Variants in ARL15 observed in about 807,000 individuals in gnomAD.
ARL15 encodes the protein ARF like GTPase 15, also known as ADP-ribosylation factor-like protein 15.
A neutral mutation model predicts 25.2 loss-of-function variants in ARL15; 19 were observed. The ratio of observed to expected loss-of-function variants is 0.75; its 90% CI spans 0.53 to 1.10. ARL15 has a LOEUF of 1.10. Ranked by LOEUF, ARL15 falls within the 50% of genes least tolerant of loss-of-function variation. The pLI is 0.00. For missense variants in ARL15, 220 were observed against 246.0 expected (o/e 0.89, Z 0.71); for synonymous variants, 94 against 86.8 (o/e 1.08, Z -0.46).
rs539571865 is a variant in ARL15, at chr5:53,901,602, T to C, written c.463-14889A>G. Among the ~76,000 whole-genome samples, 66 of 151,654 alleles carry C rather than the reference T, an allele frequency of 4.4e-4. 1 individual carries two copies. In the South Asian group the frequency reaches 0.012, roughly 28 times the overall value. On this transcript the variant is annotated intron_variant, in intron 4 of 4. Transcript: ENST00000504924. Reference sequence around the variant, plus strand: ...TTAACTAGATGCATTCACCATGAAATTGATTCTTTTAAGTTTTTTTTTTAA... The same window carrying C: ...TTAACTAGATGCATTCACCATGAAACTGATTCTTTTAAGTTTTTTTTTTAA...
chr5:54,008,082 G>A (rs1357814324), intron 4 of ARL15, among the ~76,000 whole-genome samples: 1 of 152,162 alleles, frequency 6.6e-6, no homozygotes, highest in Admixed American at 6.5e-5. Context: ...TGTGTCAGAG[G>A]AGCTAAATAA....
chr5:54,093,324 T>A (rs1752188456), intron 4 of ARL15, among the ~76,000 whole-genome samples: 1 of 152,210 alleles, frequency 6.6e-6, no homozygotes, highest in Admixed American at 6.5e-5. Flanking sequence ...GTTCTCTGGA[T>A]CCTGCTGGGG....
intron 1 of ARL15, among the ~76,000 whole-genome samples, chr5:54,272,598 A>C (rs1011217237): frequency 3.9e-5 from 6 of 152,166 alleles, no homozygotes; most frequent in Non-Finnish European, 8.8e-5. Context: ...TTTCTTATCA[A>C]GAAAAAAAGC....
At chr5:53,956,951 A>G (rs1052281901) in intron 4 of ARL15, among the ~76,000 whole-genome samples, 8 of 152,238 alleles carry the variant, frequency 5.3e-5, no homozygotes, top group Non-Finnish European at 1.2e-4. Context: ...CAGAGCCTAA[A>G]AGACCAGCTG....
intron 1 of ARL15, among the ~76,000 whole-genome samples, chr5:54,203,211 T>C (rs1213652038): frequency 6.6e-6 from 1 of 152,164 alleles, no homozygotes; most frequent in Admixed American, 6.6e-5. Flanking sequence ...TTTCTTGGTG[T>C]AAACCTCAGA....
chr5:53,907,942 A>G (rs562030979), intron 4 of ARL15, among the ~76,000 whole-genome samples: 14 of 152,120 alleles, frequency 9.2e-5, no homozygotes, highest in Non-Finnish European at 1.6e-4. Flanking sequence ...TTGCCACATA[A>G]AGCAGTCCTA....
In ARL15 at chr5:54,161,998, TAC is replaced by T. The variant is rs3839223; in HGVS notation, c.194-7361_194-7360del. On this transcript the variant is annotated intron_variant, in intron 2 of 4. Transcript: ENST00000504924. Reference sequence around the variant, plus strand: ...GTTCTTCTTTACTTACACACACACATACACACACACACACACACACACACACA... The same window carrying T: ...GTTCTTCTTTACTTACACACACACATACACACACACACACACACACACACA... Among the ~76,000 whole-genome samples the T allele has an allele frequency of 6.3e-4, 91 of 144,612 alleles. No individual in the cohort carries two copies. In the East Asian group the frequency reaches 6.9e-3, roughly 11 times the overall value. 94.9% of individuals were successfully genotyped at this position (144,612 alleles called of 152,430 possible).
chr5:54,131,857 C>T (rs181957257), intron 3 of ARL15, among the ~76,000 whole-genome samples: 1 of 151,060 alleles, frequency 6.6e-6, no homozygotes, highest in East Asian at 1.9e-4. Flanking sequence ...GAGCCGAGAT[C>T]GCGCCACTGC....
chr5:54,169,152 C>A (rs971720072), intron 2 of ARL15, among the ~76,000 whole-genome samples: 1 of 152,080 alleles, frequency 6.6e-6, no homozygotes, highest in African/African-American at 2.4e-5. Flanking sequence ...ACATAACTTA[C>A]AAGTAAGAAA....
chr5:54,186,562 T>A (rs1198590749), intron 1 of ARL15, among the ~76,000 whole-genome samples: 1 of 152,248 alleles, frequency 6.6e-6, no homozygotes, highest in Non-Finnish European at 1.5e-5. Flanking sequence ...ACCTATCAGA[T>A]GTCAGCTGAT....
chr5:54,141,657 C>A (rs1753784644), intron 3 of ARL15, among the ~76,000 whole-genome samples: 1 of 152,118 alleles, frequency 6.6e-6, no homozygotes, highest in African/African-American at 2.4e-5. Flanking sequence ...ATATCCAGCA[C>A]CTCAAAAGTT....
At chr5:54,029,913 C>T (rs892724778) in intron 4 of ARL15, among the ~76,000 whole-genome samples, 4 of 152,066 alleles carry the variant, frequency 2.6e-5, no homozygotes, top group East Asian at 1.9e-4. Flanking sequence ...AGGAGAATTA[C>T]GTGAACCTGG....
chr5:53,966,509 G>A (rs1449065952), intron 4 of ARL15, among the ~76,000 whole-genome samples: 3 of 152,212 alleles, frequency 2.0e-5, no homozygotes, highest in East Asian at 1.9e-4. Flanking sequence ...TGGTCATTCA[G>A]AAATTCTTGA....
chr5:53,966,374 G>A lies in ARL15; in HGVS notation c.463-79661C>T, dbSNP rs140830146. Among the ~76,000 whole-genome samples, 52 of 152,202 alleles carry A rather than the reference G, an allele frequency of 3.4e-4. 1 individual carries two copies. Among genetic ancestry groups the A allele is most frequent in the Admixed American group, 1.6e-3 (24 of 15,288 alleles). On this transcript the variant is annotated intron_variant, in intron 4 of 4. Transcript: ENST00000504924. ...CCTCACCCTATGCATCTCTTCATCC[G>A]TATCCTTTGTAATGTCCTTCATAAT...
rs1416463571 is a variant in ARL15 at position 54,176,403 on chromosome 5, TAAAG to T, written c.49-4479_49-4476del. Among the ~76,000 whole-genome samples the T allele has an allele frequency of 2.6e-5, 4 of 152,298 alleles. No homozygotes were observed. The East Asian group carries it at 7.7e-4, about 29-fold the overall frequency. ...TTTCTGAGTCAGTTCCTAAAAACTG[TAAAG>T]AGTTTTCATTTGTTTTTTGTTTTAA... On this transcript the variant is annotated intron_variant, in intron 1 of 4. Coordinates refer to ENST00000504924, the MANE Select transcript of ARL15 (RefSeq NM_019087.3).
intron 4 of ARL15, among the ~76,000 whole-genome samples, chr5:53,889,810 G>GT (rs35947755): frequency 0.24 from 32,080 of 135,760 alleles, 3,728 homozygotes; most frequent in Middle Eastern, 0.27. Context: ...AGTTCTGACT[G>GT]TTTTTTTTTT....
intron 2 of ARL15, among the ~76,000 whole-genome samples, chr5:54,156,167 A>G (rs1754226549): frequency 6.6e-6 from 1 of 152,204 alleles, no homozygotes; most frequent in Non-Finnish European, 1.5e-5. Flanking sequence ...TCTTTGCTGC[A>G]TGTTATCCCA....
In ARL15 at chr5:53,903,414, G is replaced by T. The variant is rs564655401; in HGVS notation, c.463-16701C>A. Among the ~76,000 whole-genome samples the T allele has an allele frequency of 2.6e-5, 4 of 152,268 alleles. No individual in the cohort carries two copies. In the South Asian group the frequency reaches 8.3e-4, roughly 32 times the overall value. On this transcript the variant is annotated intron_variant, in intron 4 of 4. Coordinates refer to ENST00000504924, the MANE Select transcript of ARL15 (RefSeq NM_019087.3). ...AGGGGGTGGGGAAGCAGAGCAGGTG[G>T]TTACTACCAGCATCTAGTGGGTAGA...
At chr5:54,190,522 A>G (rs190090117) in intron 1 of ARL15, among the ~76,000 whole-genome samples, 29 of 152,342 alleles carry the variant, frequency 1.9e-4, no homozygotes, top group Admixed American at 1.8e-3. Flanking sequence ...TGGAGGCTGG[A>G]AAGTCCAGGA....
Sources: gnomAD v4.1 joint callset for allele counts (sites outside exome capture counted in the v4.1 genomes callset) on GRCh38, gnomAD v4.1.1 for gene constraint, MANE v1.5 for transcripts, NCBI Gene and HGNC (gene_info 2026-07-23, HGNC 2026-07-21) for gene names.